The following SMARCC1 variants were observed in gnomAD, a reference collection of about 807,000 sequenced individuals.
SMARCC1 encodes the protein SWI/SNF complex subunit SMARCC1.
A neutral mutation model predicts 147.4 loss-of-function variants in SMARCC1; 43 were observed. That is an observed-to-expected ratio of 0.29 (90% CI 0.23 to 0.38). The LOEUF is 0.38. Among genes scored for constraint, SMARCC1 ranks in the 10% least tolerant of loss-of-function variants. SMARCC1 has a pLI of 1.00. For synonymous variants in SMARCC1, 495 were observed against 484.4 expected, an observed-to-expected ratio of 1.02 and a Z score of -0.29; for missense variants, 1,119 against 1,381.1, an observed-to-expected ratio of 0.81 and a Z score of 3.01.
At chr3:47,630,205 G>A (rs1361850227) in intron 24 of SMARCC1, among the ~76,000 whole-genome samples, 1 of 151,916 alleles carries the variant, frequency 6.6e-6, no homozygotes, top group African/African-American at 2.4e-5. Context: ...GTTTCAGGAT[G>A]AAACTGTTAC....
intron 25 of SMARCC1, among the ~76,000 whole-genome samples, chr3:47,611,438 A>G (rs1000448661): frequency 6.6e-6 from 1 of 152,228 alleles, no homozygotes; most frequent in Non-Finnish European, 1.5e-5. Flanking sequence ...TATAAATTAC[A>G]TATAGAAACA....
chr3:47,734,810 C>T (rs2034420699), intron 5 of SMARCC1, among the ~76,000 whole-genome samples: 1 of 152,212 alleles, frequency 6.6e-6, no homozygotes, highest in Admixed American at 6.5e-5. Flanking sequence ...TCACCAGGAG[C>T]ACAGTGGCGC....
intron 9 of SMARCC1, among the ~76,000 whole-genome samples, chr3:47,707,081 C>T (rs777222124): frequency 1.3e-5 from 2 of 152,070 alleles, no homozygotes; most frequent in East Asian, 1.9e-4. Context: ...GAAGCCGAGG[C>T]GGGAAGATCA....
chr3:47,592,575 AC>A (rs1218740981), intron 26 of SMARCC1, among the ~76,000 whole-genome samples: 1 of 152,162 alleles, frequency 6.6e-6, no homozygotes, highest in South Asian at 2.1e-4. Context: ...TAGTTCTTAA[AC>A]CAAGCGATTT....
At chr3:47,660,447 A>G (rs2033330397) in intron 21 of SMARCC1, among the ~76,000 whole-genome samples, 1 of 81,450 alleles carries the variant, frequency 1.2e-5, no homozygotes, top group Non-Finnish European at 3.2e-5. Context: ...CTCTGTCTAA[A>G]AAAAAAAAAA....
intron 25 of SMARCC1, among the ~76,000 whole-genome samples, chr3:47,619,889 G>A (rs187044926): frequency 6.6e-6 from 1 of 152,282 alleles, no homozygotes; most frequent in Admixed American, 6.5e-5. Context: ...ATGGTGACAG[G>A]TACTGGGCTA....
intron 15 of SMARCC1, among the ~76,000 whole-genome samples, chr3:47,679,851 G>C (rs2033619753): frequency 8.2e-6 from 1 of 122,006 alleles, no homozygotes; most frequent in Non-Finnish European, 1.6e-5. Flanking sequence ...GACAGAGCGA[G>C]ACTCCATCTC....
At chr3:47,624,895 A>T (rs6799555) in intron 24 of SMARCC1, among the ~76,000 whole-genome samples, 17 of 35,114 alleles carry the variant, frequency 4.8e-4, no homozygotes, top group East Asian at 1.2e-3. Flanking sequence ...ACTAAAAATT[A>T]AAAAAAAAAA....
chr3:47,596,872 CTTTTT>C (rs570013497), intron 26 of SMARCC1, among the ~76,000 whole-genome samples: 1 of 146,066 alleles, frequency 6.8e-6, no homozygotes, highest in Non-Finnish European at 1.5e-5. Flanking sequence ...CAAGTTCCTT[CTTTTT>C]TTTTTTATTT....
intron 3 of SMARCC1, among the ~76,000 whole-genome samples, chr3:47,743,263 T>C (rs1014151270): frequency 2.6e-5 from 4 of 152,130 alleles, no homozygotes; most frequent in African/African-American, 9.7e-5. Context: ...GCACAAGAGA[T>C]GAGAGAAGGT....
intron 26 of SMARCC1, among the ~76,000 whole-genome samples, chr3:47,600,413 T>A (rs1300653326): frequency 6.6e-6 from 1 of 152,148 alleles, no homozygotes; most frequent in Non-Finnish European, 1.5e-5. Context: ...AGAATAAGGT[T>A]GAGTAAGGGT....
chr3:47,597,054 G>A (rs1462724879), intron 26 of SMARCC1, among the ~76,000 whole-genome samples: 2 of 150,992 alleles, frequency 1.3e-5, no homozygotes, highest in African/African-American at 2.4e-5. Context: ...GCACGCACCT[G>A]TAATCCCAGC....
chr3:47,629,491 T>C (rs1177026675), intron 24 of SMARCC1, among the ~76,000 whole-genome samples: 2 of 152,192 alleles, frequency 1.3e-5, no homozygotes, highest in African/African-American at 4.8e-5. Context: ...GGACAGAACA[T>C]TTGACCAGTA....
intron 13 of SMARCC1, among the ~76,000 whole-genome samples, chr3:47,686,388 G>GA (rs1415398590): frequency 1.3e-5 from 2 of 152,142 alleles, no homozygotes; most frequent in African/African-American, 2.4e-5. Context: ...GATGATGAGG[G>GA]AATCAATGCA....
intron 26 of SMARCC1, among the ~76,000 whole-genome samples, chr3:47,607,054 T>C (rs2032487569): frequency 6.6e-6 from 1 of 152,106 alleles, no homozygotes; most frequent in East Asian, 1.9e-4. Flanking sequence ...TCTTGAAAAA[T>C]TACTTTGAGA....
At chr3:47,633,358 G>C (rs1176592796) in intron 24 of SMARCC1, among the ~76,000 whole-genome samples, 2 of 152,118 alleles carry the variant, frequency 1.3e-5, no homozygotes, top group Admixed American at 6.5e-5. Flanking sequence ...GAAAATGATG[G>C]AACCAGGAGT....
At chr3:47,589,190 G>A (rs1286320146) in intron 27 of SMARCC1, among the ~76,000 whole-genome samples, 1 of 152,190 alleles carries the variant, frequency 6.6e-6, no homozygotes, top group Non-Finnish European at 1.5e-5. Flanking sequence ...GGGCTGAAGT[G>A]GAGAAGCAAC....
chr3:47,737,640 T>C (rs988634347), intron 4 of SMARCC1, among the ~76,000 whole-genome samples: 1 of 152,070 alleles, frequency 6.6e-6, no homozygotes, highest in Admixed American at 6.6e-5. Flanking sequence ...TTTTGTTTTT[T>C]TGAGAGCCAA....
chr3:47,745,441 G>C (rs935554012), intron 3 of SMARCC1, among the ~76,000 whole-genome samples: 1 of 152,080 alleles, frequency 6.6e-6, no homozygotes, highest in African/African-American at 2.4e-5. Flanking sequence ...GGCCGGGTGC[G>C]GTGGCTCACG....
Sources: gnomAD v4.1 joint callset for allele counts (sites outside exome capture counted in the v4.1 genomes callset) on GRCh38, gnomAD v4.1.1 for gene constraint, MANE v1.5 for transcripts, NCBI Gene and HGNC (gene_info 2026-07-23, HGNC 2026-07-21) for gene names.